The following LDLRAD4 variants were observed in gnomAD, a reference collection of about 807,000 sequenced individuals.
The protein encoded by LDLRAD4 is low density lipoprotein receptor class A domain containing 4.
Under a neutral mutation model 17.0 loss-of-function variants are expected in LDLRAD4, and 5 were observed. That is an observed-to-expected ratio of 0.29 (90% CI 0.15 to 0.62). The LOEUF (loss-of-function observed/expected upper bound fraction) is 0.62. LDLRAD4 is among the 20% of genes least tolerant of loss of function. LDLRAD4 has a pLI of 0.84. For missense variants in LDLRAD4, 340 were observed against 424.7 expected, an observed-to-expected ratio of 0.80 and a Z score of 1.75; for synonymous variants, 168 against 171.8, an observed-to-expected ratio of 0.98 and a Z score of 0.17.
rs550844050 is a variant in LDLRAD4, at chr18:13,621,411, G to C, written c.336+140G>C. 1.5e-4 allele frequency: 99 copies of C among 656,414 alleles called. 4 individuals are homozygous for C. In the South Asian group the frequency reaches 1.7e-3, roughly 11 times the overall value. 40.7% of individuals were successfully genotyped at this position (656,414 alleles called of 1,614,324 possible). On this transcript the variant is annotated intron_variant, in intron 4 of 5. Transcript: ENST00000359446. The surrounding 1 kb of genome is among the most constrained non-coding windows in gnomAD (Gnocchi z 5.5). ...GCGCACCTCGTAAGTGTTCCACTTA[G>C]TGAGTCCCCACAAACTGAACACACC... is the stretch of plus-strand genomic sequence containing the variant.
intron 1 of LDLRAD4, among the ~76,000 whole-genome samples, chr18:13,263,441 G>A (rs1480382708): frequency 2.0e-5 from 3 of 152,218 alleles, no homozygotes; most frequent in Non-Finnish European, 4.4e-5. Flanking sequence ...GGGCAGCCTG[G>A]TGAGGACAGT....
At chr18:13,457,874 C>G (rs2092227968) in intron 3 of LDLRAD4, among the ~76,000 whole-genome samples, 1 of 152,180 alleles carries the variant, frequency 6.6e-6, no homozygotes, top group African/African-American at 2.4e-5. Context: ...GAAGGCAGGA[C>G]CATGCTCAGG....
intron 1 of LDLRAD4, among the ~76,000 whole-genome samples, chr18:13,299,943 A>C (rs2046491154): frequency 6.6e-6 from 1 of 152,214 alleles, no homozygotes; most frequent in African/African-American, 2.4e-5. Context: ...TAGGGTCCTC[A>C]TGTCTGGAGG....
chr18:13,401,175 G>C (rs962463965), intron 2 of LDLRAD4, among the ~76,000 whole-genome samples: 1 of 152,156 alleles, frequency 6.6e-6, no homozygotes, highest in African/African-American at 2.4e-5. Flanking sequence ...GGCTGGAACA[G>C]AGTTGGTGTT....
chr18:13,337,985 G>T (rs2082186721), intron 1 of LDLRAD4, among the ~76,000 whole-genome samples: 1 of 152,162 alleles, frequency 6.6e-6, no homozygotes, highest in African/African-American at 2.4e-5. Context: ...TGTTATAGAG[G>T]TAGATGTATT....
intron 1 of LDLRAD4, among the ~76,000 whole-genome samples, chr18:13,310,183 CA>C (rs5823247): frequency 0.15 from 20,630 of 139,060 alleles, 2,896 homozygotes; most frequent in East Asian, 0.4. Flanking sequence ...CTGTCTCTAC[CA>C]AAAAAAAAAA....
chr18:13,464,869 C>T (rs928580577), intron 3 of LDLRAD4: 3 of 146,392 alleles, frequency 2.0e-5, no homozygotes, highest in South Asian at 2.2e-4. Context: ...AATGAGGCTC[C>T]GTGCTCCATA....
chr18:13,530,186 C>T (rs1017171443), intron 3 of LDLRAD4, among the ~76,000 whole-genome samples: 2 of 152,196 alleles, frequency 1.3e-5, no homozygotes, highest in African/African-American at 2.4e-5. Flanking sequence ...AGTCACCGAC[C>T]TGCTGCTGTA....
intron 3 of LDLRAD4, among the ~76,000 whole-genome samples, chr18:13,492,418 A>G (rs974793404): frequency 7.2e-5 from 11 of 152,368 alleles, no homozygotes; most frequent in African/African-American, 2.2e-4. Context: ...CAGTATTAAC[A>G]GATGGAGTTG....
chr18:13,554,539 C>A (rs2094465435), intron 3 of LDLRAD4, among the ~76,000 whole-genome samples: 1 of 152,120 alleles, frequency 6.6e-6, no homozygotes, highest in African/African-American at 2.4e-5. Flanking sequence ...GCATCAGCAT[C>A]TACCCCTGGC....
intron 3 of LDLRAD4, among the ~76,000 whole-genome samples, chr18:13,481,274 T>C (rs1182181086): frequency 6.6e-6 from 1 of 152,204 alleles, no homozygotes; most frequent in South Asian, 2.1e-4. Flanking sequence ...ACAGGACACG[T>C]GTCTGGAAGA....
chr18:13,295,005 C>T (rs2046193224), intron 1 of LDLRAD4, among the ~76,000 whole-genome samples: 1 of 151,988 alleles, frequency 6.6e-6, no homozygotes, highest in African/African-American at 2.4e-5. Flanking sequence ...GTATCAAGCG[C>T]AATAAAGGTC....
At chr18:13,223,439 G>A (rs1195286618) in intron 1 of LDLRAD4, among the ~76,000 whole-genome samples, 2 of 152,146 alleles carry the variant, frequency 1.3e-5, no homozygotes, top group Non-Finnish European at 2.9e-5. Flanking sequence ...GCCACACTGT[G>A]TGGCTTCCTG....
At chr18:13,313,880 G>C (rs2080791286) in intron 1 of LDLRAD4, among the ~76,000 whole-genome samples, 1 of 152,166 alleles carries the variant, frequency 6.6e-6, no homozygotes, top group Admixed American at 6.5e-5. Context: ...ATTAAGGAGA[G>C]TAGTTTGTTT....
intron 1 of LDLRAD4, among the ~76,000 whole-genome samples, chr18:13,238,397 G>A (rs575903813): frequency 2.6e-5 from 4 of 152,326 alleles, no homozygotes; most frequent in South Asian, 4.1e-4. Context: ...CCTGTGCCAC[G>A]CAATATTTTA....
chr18:13,640,541 A>G (rs1042317082), intron 4 of LDLRAD4, among the ~76,000 whole-genome samples: 2 of 152,186 alleles, frequency 1.3e-5, no homozygotes, highest in African/African-American at 4.8e-5. Flanking sequence ...TGAGAACCTC[A>G]GGGCAGAACA....
exon 6 of LDLRAD4, chr18:13,650,132 C>A: frequency 2.5e-6 from 1 of 398,780 alleles, no homozygotes; most frequent in Non-Finnish European, 4.4e-6. Flanking sequence ...GCACTCTTAG[C>A]CTTGCAGTGG....
At chr18:13,231,551 G>A (rs908681209) in intron 1 of LDLRAD4, among the ~76,000 whole-genome samples, 4 of 152,160 alleles carry the variant, frequency 2.6e-5, no homozygotes, top group African/African-American at 9.7e-5. Flanking sequence ...ATTTCATATC[G>A]AATTGTTTGC....
At chr18:13,361,458 A>G (rs1485967650) in intron 1 of LDLRAD4, among the ~76,000 whole-genome samples, 1 of 152,146 alleles carries the variant, frequency 6.6e-6, no homozygotes, top group Admixed American at 6.5e-5. Context: ...TTCTTGTTGC[A>G]CCTCGCTTTG....
Sources: allele counts gnomAD v4.1 joint callset (sites outside exome capture counted in the v4.1 genomes callset), GRCh38; gene constraint gnomAD v4.1.1; non-coding constraint Gnocchi (gnomAD v3.1); transcripts MANE v1.5; gene names NCBI Gene and HGNC (gene_info 2026-07-23, HGNC 2026-07-21).